MBD5: variants seen among roughly 807,000 people sequenced by gnomAD.
MBD5 encodes methyl-CpG-binding domain protein 5.
Under a neutral mutation model 117.3 loss-of-function variants are expected in MBD5, and 13 were observed. That is an observed-to-expected ratio of 0.11 (90% CI 0.07 to 0.18). The LOEUF (loss-of-function observed/expected upper bound fraction) is 0.18, where lower values mean the gene tolerates loss of function less well. MBD5 is among the 10% of genes least tolerant of loss of function. The pLI is 1.00. For missense variants in MBD5, 1,879 were observed against 2,093.8 expected (o/e 0.90, Z 2.00); for synonymous variants, 727 against 766.4 (o/e 0.95, Z 0.85).
intron 4 of MBD5, among the ~76,000 whole-genome samples, chr2:148,361,205 C>G (rs181219248): frequency 7.2e-4 from 109 of 152,194 alleles, no homozygotes; most frequent in African/African-American, 2.5e-3. Context: ...CAAAAATTAG[C>G]CAGGTGAGGT....
chr2:148,457,125 TA>T (rs1706909815), intron 4 of MBD5, among the ~76,000 whole-genome samples: 1 of 152,208 alleles, frequency 6.6e-6, no homozygotes, highest in African/African-American at 2.4e-5. Flanking sequence ...GATTTCAATT[TA>T]ATACTTTCAT....
At chr2:148,237,979 T>C (rs1158815783) in intron 3 of MBD5, among the ~76,000 whole-genome samples, 1 of 152,184 alleles carries the variant, frequency 6.6e-6, no homozygotes, top group African/African-American at 2.4e-5. Flanking sequence ...TTAAATGGAA[T>C]AGATAATATA....
At position 148,490,056 on chromosome 2, in the gene MBD5, G is replaced by A. The variant is rs769845590; in HGVS notation, c.4424G>A (p.Gly1475Glu). The A allele has an allele frequency of 9.9e-6, 16 of 1,613,818 alleles. No individual in the cohort carries two copies. The highest frequency in any genetic ancestry group is 1.3e-5 in the African/African-American group (1 of 74,882). Residue 1475 changes from glycine (G) to glutamate (E), a missense_variant, in exon 11 of 14, where the codon GGG becomes GAG. Gly to Glu is a moderately conservative substitution (Grantham distance 98). Around this residue, in one of 4 missense-constraint regions of MBD5, gnomAD observed 1,666 missense variants for 1,792.2 expected, o/e 0.93. Transcript: ENST00000642680. The part of the protein sequence containing the change: ...NNVSTLPFLP[G>E]EQHPILLPPR... ...GTCTCTACACTGCCATTTCTGCCTG[G>A]GGAACAGCACCCAATACTGTTACCA...
At chr2:148,046,949 C>T (rs992542073) in intron 1 of MBD5, among the ~76,000 whole-genome samples, 1 of 152,186 alleles carries the variant, frequency 6.6e-6, no homozygotes, top group African/African-American at 2.4e-5. Flanking sequence ...AGCTTCATCT[C>T]CCATTACTTT....
chr2:148,380,489 A>G (rs1007234602), intron 4 of MBD5, among the ~76,000 whole-genome samples: 1 of 152,248 alleles, frequency 6.6e-6, no homozygotes, highest in African/African-American at 2.4e-5. Context: ...ACATTTAGAA[A>G]TGTTTTAAAT....
At position 148,504,689 on chromosome 2, in the gene MBD5, G is replaced by C. The variant is rs77322781; in HGVS notation, c.5036+2180G>C. ...ACAGGGAAAAGGCAGGTAAAGGAAG[G>C]GTTCCTAGAGGAGAAGATATGTGGG... On this transcript the variant is annotated intron_variant, in intron 12 of 13. Transcript: ENST00000642680. 2.7e-3 allele frequency among the ~76,000 whole-genome samples: 412 copies of C among 152,228 alleles called. 1 individual carries two copies. The highest frequency in any genetic ancestry group is 9.3e-3 in the African/African-American group (384 of 41,502).
chr2:148,362,788 G>C (rs1703580562), intron 4 of MBD5, among the ~76,000 whole-genome samples: 1 of 152,202 alleles, frequency 6.6e-6, no homozygotes, highest in Non-Finnish European at 1.5e-5. Flanking sequence ...TCCAGAGGAA[G>C]GAATAGGCAG....
intron 1 of MBD5, among the ~76,000 whole-genome samples, chr2:148,047,031 G>T (rs531219448): frequency 6.6e-6 from 1 of 152,010 alleles, no homozygotes; most frequent in East Asian, 1.9e-4. Flanking sequence ...GCTCCTTCAG[G>T]TCTCCTTGGC....
At chr2:148,103,980 A>T (rs1001143139) in intron 1 of MBD5, among the ~76,000 whole-genome samples, 9 of 152,142 alleles carry the variant, frequency 5.9e-5, no homozygotes, top group African/African-American at 2.2e-4. Flanking sequence ...AGGCTGTGAG[A>T]ATATGAGATT....
At chr2:148,064,417 C>A (rs1276774840) in intron 1 of MBD5, among the ~76,000 whole-genome samples, 1 of 152,084 alleles carries the variant, frequency 6.6e-6, no homozygotes, top group South Asian at 2.1e-4. Flanking sequence ...GCCCGGCCCC[C>A]ACCAGCTGTC....
At chr2:148,463,260 C>T (rs1451330183) in intron 6 of MBD5, among the ~76,000 whole-genome samples, 1 of 151,964 alleles carries the variant, frequency 6.6e-6, no homozygotes, top group African/African-American at 2.4e-5. Context: ...TGTGTCACCG[C>T]ATTCCAAAAA....
rs1265019544 is a variant in MBD5, at chr2:148,502,431, C to T, written c.4963-5C>T. The T allele has an allele frequency of 5.0e-6, 8 of 1,613,960 alleles. No individual in the cohort carries two copies. The highest frequency in any genetic ancestry group is 5.9e-6 in the Non-Finnish European group (7 of 1,179,870). ...ATGTGGTTTGGTCTTCATACCTTCA[C>T]TCAGGTGGAGCCCGAGAAGTTGAAG... On this transcript the variant is annotated splice_polypyrimidine_tract_variant and splice_region_variant and intron_variant, in intron 11 of 13. Transcript: ENST00000642680.
At chr2:148,489,286 A>G (rs1681437490) in intron 10 of MBD5, 100 bp from the exon 11 acceptor site, 1 of 1,411,688 alleles carries the variant, frequency 7.1e-7, no homozygotes, top group South Asian at 1.2e-5. Flanking sequence ...CCTTGTTAAT[A>G]TTTGTTTGTC....
intron 4 of MBD5, among the ~76,000 whole-genome samples, chr2:148,394,875 A>C (rs985617893): frequency 6.6e-6 from 1 of 152,132 alleles, no homozygotes; most frequent in African/African-American, 2.4e-5. Flanking sequence ...TCTAACTCCT[A>C]TATCAACACC....
At chr2:148,030,552 A>G (rs1197814187) in intron 1 of MBD5, among the ~76,000 whole-genome samples, 3 of 152,216 alleles carry the variant, frequency 2.0e-5, no homozygotes, top group African/African-American at 7.2e-5. Context: ...AGTATATGCC[A>G]TATATATTAG....
intron 3 of MBD5, among the ~76,000 whole-genome samples, chr2:148,318,121 T>A (rs1271431736): frequency 6.6e-6 from 1 of 152,170 alleles, no homozygotes; most frequent in African/African-American, 2.4e-5. Context: ...ACATCTGTTG[T>A]TTTTTCACTT....
At chr2:148,150,756 G>A (rs1402671066) in intron 1 of MBD5, among the ~76,000 whole-genome samples, 7 of 151,842 alleles carry the variant, frequency 4.6e-5, no homozygotes, top group African/African-American at 1.7e-4. Flanking sequence ...TGTTGTTGGT[G>A]CATAAGAATG....
At chr2:148,061,886 A>T (rs1695045536) in intron 1 of MBD5, among the ~76,000 whole-genome samples, 2 of 151,320 alleles carry the variant, frequency 1.3e-5, no homozygotes, top group Admixed American at 1.3e-4. Flanking sequence ...TAATTTTTTC[A>T]GGTCCTCAGG....
intron 3 of MBD5, among the ~76,000 whole-genome samples, chr2:148,291,958 G>A (rs960107066): frequency 3.9e-5 from 6 of 152,222 alleles, no homozygotes; most frequent in South Asian, 2.1e-4. Context: ...AGAAGCATAC[G>A]CTGAGGGAAA....
Sources: gnomAD v4.1 joint callset for allele counts (sites outside exome capture counted in the v4.1 genomes callset) on GRCh38, gnomAD v4.1.1 for gene constraint, gnomAD v4.1.1 regional missense constraint, MANE v1.5 for transcripts, NCBI Gene and HGNC (gene_info 2026-07-23, HGNC 2026-07-21) for gene names.